DCAF6: variants seen among roughly 807,000 people sequenced by gnomAD.
DCAF6 encodes DDB1- and CUL4-associated factor 6.
DCAF6 carries 54 observed loss-of-function variants against 125.1 expected under a neutral mutation model. That is an observed-to-expected ratio of 0.43 (90% CI 0.35 to 0.54). The LOEUF is 0.54. DCAF6 is among the 20% of genes least tolerant of loss of function. DCAF6 has a pLI of 0.01. For missense variants in DCAF6, 934 were observed against 1,161.7 expected, an observed-to-expected ratio of 0.80 and a Z score of 2.85; for synonymous variants, 371 against 390.4, an observed-to-expected ratio of 0.95 and a Z score of 0.58.
At chr1:167,936,165 C>A, upstream of DCAF6, 1 of 309,470 alleles carries the variant, frequency 3.2e-6, no homozygotes. Flanking sequence ...TGGCAGCGCG[C>A]TTGCGCAGGC....
chr1:167,915,908 G>A, the DCAF6 span, among the ~76,000 whole-genome samples: 54 of 152,282 alleles, frequency 3.5e-4, no homozygotes, highest in Admixed American at 5.9e-4. Flanking sequence ...GGTTAACAAA[G>A]TCTCACAGTT....
intron 12 of DCAF6, among the ~76,000 whole-genome samples, chr1:168,024,220 T>TAAAAA (rs374506657): frequency 8.0e-6 from 1 of 124,722 alleles, no homozygotes; most frequent in Non-Finnish European, 1.7e-5. Flanking sequence ...CCCATCTCTT[T>TAAAAA]AAAAAAAAAA....
chr1:167,873,862 A>G, the DCAF6 span, among the ~76,000 whole-genome samples: 1 of 152,256 alleles, frequency 6.6e-6, no homozygotes, highest in Non-Finnish European at 1.5e-5. Context: ...TAAAGTTAAG[A>G]ATTCTGTTTA....
chr1:167,920,689 A>G, the DCAF6 span: 4 of 1,507,190 alleles, frequency 2.7e-6, no homozygotes, highest in African/African-American at 5.6e-5. Flanking sequence ...AATAGTTTTA[A>G]CTTTAAATCA....
intron 1 of DCAF6, among the ~76,000 whole-genome samples, chr1:167,943,517 A>T (rs918671836): frequency 3.3e-5 from 5 of 152,008 alleles, no homozygotes; most frequent in Non-Finnish European, 7.4e-5. Context: ...ATTTTTATTT[A>T]TTTTTACTTT....
At chr1:168,045,333 A>C in intron 16 of DCAF6, 106 bp downstream of exon 16, 1 of 965,554 alleles carries the variant, frequency 1.0e-6, no homozygotes, top group Non-Finnish European at 1.5e-6. Context: ...GCTTCCTCTA[A>C]GAGTGTCTCA....
At chr1:168,030,995 C>G (rs1185999538) in intron 12 of DCAF6, among the ~76,000 whole-genome samples, 1 of 152,008 alleles carries the variant, frequency 6.6e-6, no homozygotes. Flanking sequence ...TGATCATGAA[C>G]TCGGTTTTGA....
intron 12 of DCAF6, among the ~76,000 whole-genome samples, chr1:168,035,363 C>G (rs1449220683): frequency 6.6e-6 from 1 of 152,200 alleles, no homozygotes; most frequent in Non-Finnish European, 1.5e-5. Context: ...GGGAGAATCA[C>G]CTTAGCCTGG....
chr1:167,871,673 G>C, the DCAF6 span, among the ~76,000 whole-genome samples: 2 of 152,194 alleles, frequency 1.3e-5, no homozygotes, highest in African/African-American at 4.8e-5. Context: ...TAAATATCCA[G>C]GTATTATCTA....
chr1:167,975,555 C>T (rs996752128), intron 4 of DCAF6, among the ~76,000 whole-genome samples: 1 of 152,128 alleles, frequency 6.6e-6, no homozygotes, highest in Non-Finnish European at 1.5e-5. Context: ...ACTGAGTTCT[C>T]TTTTATTTAT....
the DCAF6 span, among the ~76,000 whole-genome samples, chr1:167,895,521 A>G: frequency 6.6e-6 from 1 of 152,182 alleles, no homozygotes; most frequent in Non-Finnish European, 1.5e-5. Context: ...TCTCACTTGG[A>G]TGGAGTTTTC....
chr1:168,031,152 A>G (rs1207739488), intron 12 of DCAF6, among the ~76,000 whole-genome samples: 1 of 152,234 alleles, frequency 6.6e-6, no homozygotes, highest in Non-Finnish European at 1.5e-5. Context: ...AACTGAAGCC[A>G]TGAAGTTAGA....
chr1:168,043,119 C>T lies in DCAF6; in HGVS notation c.1822C>T (p.Pro608Ser). ...CGTCCCACAGAGCTCAGTGCAACCA[C>T]CAGAAGGAGACAGTGAAACAAGTAA... ...SFVPQSSVQP[P>S]EGDSETKAPE... is the part of the protein sequence containing the mutation. Residue 608 changes from proline (P) to serine (S), a missense_variant, in exon 14 of 22, where the codon CCA (proline) becomes TCA (serine). Pro to Ser is a moderately conservative substitution (Grantham distance 74). Transcript: ENST00000367840. The T allele has an allele frequency of 6.2e-7, 1 of 1,612,480 alleles. No homozygotes were observed. Among genetic ancestry groups the T allele is most frequent in the African/African-American group, 1.3e-5 (1 of 74,938 alleles).
chr1:168,054,297 G>T (rs552311195), intron 17 of DCAF6, among the ~76,000 whole-genome samples: 80 of 152,296 alleles, frequency 5.3e-4, no homozygotes, highest in Admixed American at 1.6e-3. Context: ...CAAGGACTCT[G>T]CAGAGTCCCG....
chr1:167,966,521 C>A, intron 2 of DCAF6, 108 bp from the exon 3 acceptor site: 1 of 730,934 alleles, frequency 1.4e-6, no homozygotes, highest in East Asian at 2.5e-5. Flanking sequence ...TACTTTTTAA[C>A]GTATAACCTC....
the DCAF6 span, among the ~76,000 whole-genome samples, chr1:167,926,568 C>A: frequency 6.6e-6 from 1 of 152,160 alleles, no homozygotes; most frequent in South Asian, 2.1e-4. Context: ...CCAGGAGTGT[C>A]CCCCCAGGGG....
At position 168,003,863 on chromosome 1, in the gene DCAF6, G is replaced by T. The variant is rs747082953; in HGVS notation, c.998-7G>T. 6.2e-7 allele frequency: 1 copy of T among 1,608,422 alleles called. No individual in the cohort carries two copies. The highest frequency in any genetic ancestry group is 1.3e-5 in the African/African-American group (1 of 74,754). On this transcript the variant is annotated splice_polypyrimidine_tract_variant and splice_region_variant and intron_variant, in intron 8 of 21. Coordinates refer to ENST00000367840, the MANE Select transcript of DCAF6 (RefSeq NM_001198956.2). ...TAAACTCACTGATAAGACCTATATT[G>T]TAATAGGAGAGCAGAGTCCCAATGT...
In DCAF6 at chr1:168,059,935, G is replaced by T. The variant is rs374602156; in HGVS notation, c.2301-3686G>T. Among the ~76,000 whole-genome samples the T allele has an allele frequency of 8.5e-5, 13 of 152,216 alleles. No individual in the cohort carries two copies. In the East Asian group the frequency reaches 1.4e-3, roughly 16 times the overall value. ...ACTGCTGGGATTATAGGTGTGAACT[G>T]CTGCACTCAGCCTAGGCCTTTTACA... On this transcript the variant is annotated intron_variant, in intron 17 of 21. Transcript: ENST00000367840.
chr1:167,919,929 C>A, the DCAF6 span: 2 of 1,382,642 alleles, frequency 1.4e-6, no homozygotes, highest in South Asian at 1.3e-5. Context: ...AAATTAGTGC[C>A]ATCTAAGTAG....
Sources: gnomAD v4.1 joint callset for allele counts (sites outside exome capture counted in the v4.1 genomes callset) on GRCh38, gnomAD v4.1.1 for gene constraint, MANE v1.5 for transcripts, NCBI Gene and HGNC (gene_info 2026-07-23, HGNC 2026-07-21) for gene names.